Variants in DGKB observed in about 807,000 individuals in gnomAD.
The protein encoded by DGKB is diacylglycerol kinase beta, also known as 90 kDa diacylglycerol kinase.
DGKB carries 67 observed loss-of-function variants against 114.3 expected under a neutral mutation model. The observed-to-expected ratio is 0.59, with a 90% CI of 0.48 to 0.72. The LOEUF is 0.72. Ranked by LOEUF, DGKB falls within the 30% of genes least tolerant of loss-of-function variation. The pLI, the probability that DGKB is intolerant of heterozygous loss-of-function variation, is 0.00. For missense variants in DGKB, 907 were observed against 975.2 expected (o/e 0.93, Z 0.93); for synonymous variants, 398 against 323.1 (o/e 1.23, Z -2.49).
intron 1 of DGKB, among the ~76,000 whole-genome samples, chr7:14,843,633 C>T (rs1230471704): frequency 3.3e-5 from 5 of 152,144 alleles, no homozygotes; most frequent in African/African-American, 9.7e-5. Context: ...CGCGCCCAGC[C>T]AATAACTTTT....
At position 14,365,900 on chromosome 7, in the gene DGKB, G is replaced by T. The variant is rs530007714; in HGVS notation, c.1836-20509C>A. ...AGAGCAGCAGTTTTTAATTTTCTGT[G>T]GATCACAGATACTTGAAGAATTTGA... On this transcript the variant is annotated intron_variant, in intron 21 of 25. Transcript: ENST00000402815. Among the ~76,000 whole-genome samples, 4 of 152,166 alleles carry T rather than the reference G, an allele frequency of 2.6e-5. No individual in the cohort carries two copies. The South Asian group carries it at 8.3e-4, about 32-fold the overall frequency.
At chr7:14,829,317 T>A (rs1415827814) in intron 2 of DGKB, among the ~76,000 whole-genome samples, 1 of 152,160 alleles carries the variant, frequency 6.6e-6, no homozygotes, top group Non-Finnish European at 1.5e-5. Context: ...CCTTTGTGCC[T>A]ACTTGTATAA....
chr7:14,344,650 A>G (rs1404594674), intron 22 of DGKB, among the ~76,000 whole-genome samples: 1 of 151,212 alleles, frequency 6.6e-6, no homozygotes, highest in Non-Finnish European at 1.5e-5. Flanking sequence ...AAAATCTCTC[A>G]ATATAACGAA....
At chr7:14,720,475 G>GTA (rs1266091863) in intron 5 of DGKB, among the ~76,000 whole-genome samples, 251 of 10,706 alleles carry the variant, frequency 0.023, no homozygotes, top group Middle Eastern at 0.091. Flanking sequence ...CGGCTGATTT[G>GTA]TGTGTGTGTG....
At chr7:14,605,379 C>T (rs1408238959) in intron 17 of DGKB, among the ~76,000 whole-genome samples, 5 of 124,200 alleles carry the variant, frequency 4.0e-5, no homozygotes, top group South Asian at 2.8e-4. Flanking sequence ...TATATATATA[C>T]ACCTATATAT....
chr7:14,517,188 C>G (rs527760017), intron 20 of DGKB, among the ~76,000 whole-genome samples: 1 of 152,090 alleles, frequency 6.6e-6, no homozygotes, highest in South Asian at 2.1e-4. Flanking sequence ...ACAAAGCTGA[C>G]AAAAACAAGC....
chr7:14,481,468 T>C (rs1782979651), intron 20 of DGKB, among the ~76,000 whole-genome samples: 1 of 151,948 alleles, frequency 6.6e-6, no homozygotes, highest in Admixed American at 6.6e-5. Context: ...GTCATCAATA[T>C]TATCTTTTAT....
chr7:14,926,271 A>G (rs1293759870), intron 1 of DGKB, among the ~76,000 whole-genome samples: 4 of 151,990 alleles, frequency 2.6e-5, no homozygotes, highest in Non-Finnish European at 5.9e-5. Context: ...TTCTTGTCAG[A>G]CAACCACACC....
At chr7:14,566,416 G>C (rs187604269) in intron 20 of DGKB, among the ~76,000 whole-genome samples, 141 of 152,258 alleles carry the variant, frequency 9.3e-4, no homozygotes, top group African/African-American at 3.2e-3. Flanking sequence ...CTGGGTTTAT[G>C]AGGGAAGATG....
At chr7:14,298,472 A>T (rs935236979) in intron 23 of DGKB, among the ~76,000 whole-genome samples, 1 of 152,204 alleles carries the variant, frequency 6.6e-6, no homozygotes, top group African/African-American at 2.4e-5. Flanking sequence ...TTCCTATTTA[A>T]TATATGATGT....
At position 14,426,654 on chromosome 7, in the gene DGKB, C is replaced by T. The variant is rs148826128; in HGVS notation, c.1835+51507G>A. On this transcript the variant is annotated intron_variant, in intron 21 of 25. Transcript: ENST00000402815. ...GCTAAAATTATGAGTTCAGAAAAGG[C>T]GAACTATTTAACAGGCTAGACATAC... is the stretch of plus-strand genomic sequence containing the variant. 7.7e-3 allele frequency among the ~76,000 whole-genome samples: 1,172 copies of T among 152,152 alleles called. 15 individuals are homozygous for T. The highest frequency in any genetic ancestry group is 0.027 in the African/African-American group (1,117 of 41,516).
chr7:14,772,262 G>A (rs1837531550), intron 2 of DGKB, among the ~76,000 whole-genome samples: 2 of 152,116 alleles, frequency 1.3e-5, no homozygotes, highest in Non-Finnish European at 2.9e-5. Flanking sequence ...ACATTTTACA[G>A]AGTTTGACTC....
intron 1 of DGKB, among the ~76,000 whole-genome samples, chr7:14,842,854 C>T (rs1320573916): frequency 6.6e-6 from 1 of 152,188 alleles, no homozygotes; most frequent in Non-Finnish European, 1.5e-5. Flanking sequence ...GATACTCATT[C>T]CTGTCTAAAC....
intron 17 of DGKB, among the ~76,000 whole-genome samples, chr7:14,594,322 A>G (rs1046279147): frequency 2.0e-5 from 3 of 152,072 alleles, no homozygotes; most frequent in African/African-American, 4.8e-5. Flanking sequence ...ATGAATATGC[A>G]TAAGTTATGT....
chr7:14,256,074 C>T (rs187319475), intron 23 of DGKB, among the ~76,000 whole-genome samples: 2 of 152,210 alleles, frequency 1.3e-5, no homozygotes, highest in East Asian at 3.9e-4. Context: ...AAATACTGGC[C>T]AAGTTTTGTC....
intron 20 of DGKB, among the ~76,000 whole-genome samples, chr7:14,570,572 T>A (rs1798235749): frequency 6.6e-6 from 1 of 152,114 alleles, no homozygotes; most frequent in Non-Finnish European, 1.5e-5. Flanking sequence ...GCATATTATA[T>A]ACTGTATTCT....
chr7:14,383,690 T>G (rs1339326617), intron 21 of DGKB, among the ~76,000 whole-genome samples: 1 of 152,200 alleles, frequency 6.6e-6, no homozygotes, highest in Non-Finnish European at 1.5e-5. Flanking sequence ...TGAGTCAACT[T>G]TCTTTAAGCA....
chr7:14,246,524 T>C (rs960688744), intron 23 of DGKB, among the ~76,000 whole-genome samples: 1 of 152,176 alleles, frequency 6.6e-6, no homozygotes, highest in African/African-American at 2.4e-5. Context: ...ATACCATATA[T>C]GATTTGCTAT....
intron 23 of DGKB, among the ~76,000 whole-genome samples, chr7:14,333,927 A>G (rs910610103): frequency 2.6e-5 from 4 of 152,190 alleles, no homozygotes; most frequent in African/African-American, 4.8e-5. Context: ...AAAAGCTCCA[A>G]TTTCATTGCT....
Sources: allele counts gnomAD v4.1 joint callset (sites outside exome capture counted in the v4.1 genomes callset), GRCh38; gene constraint gnomAD v4.1.1; transcripts MANE v1.5; gene names NCBI Gene and HGNC (gene_info 2026-07-23, HGNC 2026-07-21).